Variants in ERBB4 observed in about 807,000 individuals in gnomAD.
ERBB4 encodes the protein receptor tyrosine-protein kinase erbB-4.
In ERBB4, 42 loss-of-function variants were observed where a neutral mutation model predicts 158.0. The ratio of observed to expected loss-of-function variants is 0.27; its 90% CI spans 0.21 to 0.34. The LOEUF (loss-of-function observed/expected upper bound fraction) is 0.34, where lower values mean the gene tolerates loss of function less well. Ranked by LOEUF, ERBB4 falls within the 10% of genes least tolerant of loss-of-function variation. The pLI is 1.00. For synonymous variants in ERBB4, 583 were observed against 558.7 expected, an observed-to-expected ratio of 1.04 and a Z score of -0.61; for missense variants, 1,333 against 1,624.1, an observed-to-expected ratio of 0.82 and a Z score of 3.08.
In ERBB4 at chr2:212,265,530, G is replaced by A. The variant is rs574613315; in HGVS notation, c.83-140627C>T. 1.3e-5 allele frequency among the ~76,000 whole-genome samples: 2 copies of A among 152,038 alleles called. 1 individual carries two copies. The highest frequency in any genetic ancestry group is 4.1e-4 in the South Asian group (2 of 4,820). On this transcript the variant is annotated intron_variant, in intron 1 of 27. Coordinates refer to ENST00000342788, the MANE Select transcript of ERBB4 (RefSeq NM_005235.3). Reference sequence around the variant, plus strand: ...AGTGGAGTCTATCTCATTGGCTTTGGGGGTCTCTAATGTTTCTTTAAAATA... The same window carrying A: ...AGTGGAGTCTATCTCATTGGCTTTGAGGGTCTCTAATGTTTCTTTAAAATA...
chr2:211,415,089 C>T (rs1008563823), intron 25 of ERBB4, among the ~76,000 whole-genome samples: 9 of 144,538 alleles, frequency 6.2e-5, no homozygotes. Flanking sequence ...AGGCAAATCC[C>T]ATTGAAACTT....
intron 3 of ERBB4, among the ~76,000 whole-genome samples, chr2:211,866,620 T>C (rs1483325244): frequency 1.3e-5 from 2 of 152,182 alleles, no homozygotes; most frequent in African/African-American, 4.8e-5. Flanking sequence ...AGTACAATTA[T>C]ATAAATGAAG....
intron 2 of ERBB4, among the ~76,000 whole-genome samples, chr2:212,007,470 A>G (rs895579048): frequency 1.3e-5 from 2 of 151,864 alleles, no homozygotes; most frequent in Admixed American, 1.3e-4. Context: ...TTACATATGA[A>G]AGGAAATACT....
chr2:211,991,418 C>CA (rs2082072941), intron 2 of ERBB4, among the ~76,000 whole-genome samples: 1 of 151,432 alleles, frequency 6.6e-6, no homozygotes, highest in African/African-American at 2.4e-5. Context: ...AACGAAGCAA[C>CA]AAAAAAAGAG....
rs946102249 is a variant in ERBB4, at chr2:211,378,446, A to C, written c.*5169T>G. The C allele has an allele frequency of 4.3e-6, 1 of 232,504 alleles. No homozygotes were observed. The highest frequency in any genetic ancestry group is 8.5e-6 in the Non-Finnish European group (1 of 117,344). The allele number at this position is 232,504 out of a possible 1,614,324, so 14.4% of individuals were successfully genotyped here. Reference sequence around the variant, plus strand: ...CTTGAACCGAGTATCTGAAATTTCTATTATTTTAGAGAGACTTTTAATGAA... The same window carrying C: ...CTTGAACCGAGTATCTGAAATTTCTCTTATTTTAGAGAGACTTTTAATGAA... On this transcript the variant is annotated 3_prime_UTR_variant, in exon 28 of 28. Transcript: ENST00000342788.
intron 1 of ERBB4, among the ~76,000 whole-genome samples, chr2:212,472,709 G>GA (rs964677105): frequency 6.6e-6 from 1 of 151,610 alleles, no homozygotes; most frequent in East Asian, 1.9e-4. Context: ...TAAATTACTA[G>GA]AAAAAATGTC....
chr2:211,663,812 T>C (rs1444214599), intron 15 of ERBB4, among the ~76,000 whole-genome samples: 1 of 152,208 alleles, frequency 6.6e-6, no homozygotes, highest in African/African-American at 2.4e-5. Context: ...TGCAAAACAA[T>C]AAAATTCTCT....
intron 15 of ERBB4, 143 bp from the exon 16 acceptor site, chr2:211,657,971 T>C: frequency 6.2e-7 from 1 of 1,604,258 alleles, no homozygotes; most frequent in East Asian, 2.2e-5. Context: ...GCCGATGCAG[T>C]CTTCAATACT....
chr2:212,366,898 A>G (rs1041654399), intron 1 of ERBB4, among the ~76,000 whole-genome samples: 11 of 152,032 alleles, frequency 7.2e-5, no homozygotes, highest in African/African-American at 2.7e-4. Context: ...AAATTGATAA[A>G]TGATCTCTCT....
intron 1 of ERBB4, among the ~76,000 whole-genome samples, chr2:212,397,321 A>G (rs1195537179): frequency 1.3e-5 from 2 of 152,048 alleles, no homozygotes; most frequent in Non-Finnish European, 2.9e-5. Context: ...CAAAAAATAC[A>G]AAACAGCCAG....
At chr2:211,861,330 T>C (rs1234226409) in intron 3 of ERBB4, among the ~76,000 whole-genome samples, 9 of 69,464 alleles carry the variant, frequency 1.3e-4, no homozygotes, top group Middle Eastern at 7.5e-3. Flanking sequence ...CAGGCGTGTT[T>C]TTTTTTTTGT....
chr2:212,022,063 C>A (rs745486963), intron 2 of ERBB4, among the ~76,000 whole-genome samples: 47 of 152,194 alleles, frequency 3.1e-4, no homozygotes, highest in Admixed American at 1.3e-4. Context: ...AATGCTTTTA[C>A]ACCATTGCTG....
chr2:211,647,935 C>T (rs75991617), intron 16 of ERBB4, among the ~76,000 whole-genome samples: 28 of 151,806 alleles, frequency 1.8e-4, no homozygotes, highest in Middle Eastern at 3.4e-3. Context: ...TTTCCTTTGC[C>T]GTACTATACC....
At chr2:211,656,994 C>A (rs557715887) in intron 16 of ERBB4, among the ~76,000 whole-genome samples, 2 of 152,008 alleles carry the variant, frequency 1.3e-5, no homozygotes, top group African/African-American at 2.4e-5. Context: ...TTTACCTGCA[C>A]AAAATATTTT....
intron 7 of ERBB4, among the ~76,000 whole-genome samples, chr2:211,720,541 T>C (rs1001368249): frequency 6.6e-6 from 1 of 152,232 alleles, no homozygotes; most frequent in Non-Finnish European, 1.5e-5. Context: ...GCCTGTTGAA[T>C]ATTTACAGTT....
chr2:211,879,967 T>G (rs2078617995), intron 3 of ERBB4, among the ~76,000 whole-genome samples: 1 of 150,636 alleles, frequency 6.6e-6, no homozygotes, highest in Non-Finnish European at 1.5e-5. Context: ...AAACTCAATA[T>G]ATTATTAATA....
At chr2:211,661,666 A>G (rs2071424275) in intron 15 of ERBB4, among the ~76,000 whole-genome samples, 1 of 152,166 alleles carries the variant, frequency 6.6e-6, no homozygotes, top group Non-Finnish European at 1.5e-5. Flanking sequence ...AACTTCCACA[A>G]GCAGCCCTTC....
At chr2:211,640,099 T>C (rs1191070425) in intron 16 of ERBB4, among the ~76,000 whole-genome samples, 2 of 151,872 alleles carry the variant, frequency 1.3e-5, no homozygotes, top group Admixed American at 6.6e-5. Context: ...TAAAGCATTT[T>C]TGATTTTTTT....
intron 1 of ERBB4, among the ~76,000 whole-genome samples, chr2:212,327,212 G>A (rs1478942296): frequency 7.2e-6 from 1 of 139,176 alleles, no homozygotes; most frequent in East Asian, 1.9e-4. Flanking sequence ...TAATAACACT[G>A]AGCACTGTTC....
Sources: allele counts gnomAD v4.1 joint callset (sites outside exome capture counted in the v4.1 genomes callset), GRCh38; gene constraint gnomAD v4.1.1; transcripts MANE v1.5; gene names NCBI Gene and HGNC (gene_info 2026-07-23, HGNC 2026-07-21).